Variants in AXDND1 observed in about 807,000 individuals in gnomAD.
AXDND1 encodes the protein axonemal dynein light chain domain-containing protein 1.
Under a neutral mutation model 137.5 loss-of-function variants are expected in AXDND1, and 110 were observed. The observed-to-expected ratio is 0.80, with a 90% CI of 0.69 to 0.94. The LOEUF (loss-of-function observed/expected upper bound fraction) is 0.94. Among genes scored for constraint, AXDND1 ranks in the 40% least tolerant of loss-of-function variants. The pLI is 0.00. For missense variants in AXDND1, 1,191 were observed against 1,169.8 expected (o/e 1.02, Z -0.26); for synonymous variants, 414 against 399.7 (o/e 1.04, Z -0.43).
intron 12 of AXDND1, among the ~76,000 whole-genome samples, chr1:179,413,458 C>T (rs1355144000): frequency 6.6e-6 from 1 of 152,126 alleles, no homozygotes; most frequent in Non-Finnish European, 1.5e-5. Flanking sequence ...TCCATGTATA[C>T]CCATTGTTTA....
At chr1:179,449,254 T>A (rs550855801) in intron 16 of AXDND1, 1 of 389,352 alleles carries the variant, frequency 2.6e-6, no homozygotes, top group East Asian at 8.5e-5. Context: ...GGATGTTCAG[T>A]TGTCCTAGCA....
chr1:179,419,480 G>A (rs1024755536), intron 12 of AXDND1, among the ~76,000 whole-genome samples: 10 of 148,468 alleles, frequency 6.7e-5, no homozygotes, highest in South Asian at 2.2e-4. Flanking sequence ...CAGGCGTGGC[G>A]GCGTGCGCCT....
chr1:179,401,680 T>C (rs2125173338), intron 11 of AXDND1, among the ~76,000 whole-genome samples: 1 of 152,118 alleles, frequency 6.6e-6, no homozygotes, highest in African/African-American at 2.4e-5. Context: ...ATCGTGGGGG[T>C]GGTTTCCCTG....
chr1:179,529,238 T>C (rs1284711095), intron 23 of AXDND1, among the ~76,000 whole-genome samples: 1 of 152,214 alleles, frequency 6.6e-6, no homozygotes, highest in Non-Finnish European at 1.5e-5. Flanking sequence ...GTGGTGGTAA[T>C]ATTTTGTGTG....
intron 16 of AXDND1, chr1:179,453,526 C>G (rs1490424284): frequency 6.6e-6 from 1 of 152,346 alleles, no homozygotes; most frequent in Non-Finnish European, 1.5e-5. Context: ...GCTGTCCAGG[C>G]ACAGTGGCTC....
At chr1:179,465,650 G>A (rs573354673) in intron 16 of AXDND1, among the ~76,000 whole-genome samples, 2 of 152,356 alleles carry the variant, frequency 1.3e-5, no homozygotes, top group East Asian at 3.9e-4. Context: ...CTTCAAAGCT[G>A]TCAGCCAGGG....
At chr1:179,530,645 ATGT>A (rs202232414) in intron 23 of AXDND1, among the ~76,000 whole-genome samples, 48,208 of 152,052 alleles carry the variant, frequency 0.32, 8,267 homozygotes, top group Middle Eastern at 0.43. Context: ...CAGTAAGTCC[ATGT>A]TCAAAAGTCT....
intron 25 of AXDND1, among the ~76,000 whole-genome samples, chr1:179,554,024 TG>T (rs1673708941): frequency 1.3e-5 from 2 of 151,928 alleles, no homozygotes; most frequent in African/African-American, 2.4e-5. Flanking sequence ...GCGATTCTTC[TG>T]CCTCAGCCTC....
intron 25 of AXDND1, chr1:179,552,756 A>G (rs1673503309): frequency 7.0e-6 from 8 of 1,147,288 alleles, no homozygotes; most frequent in Non-Finnish European, 7.8e-6. Context: ...CAGACTTGCA[A>G]GCCTCTCTAC....
intron 16 of AXDND1, among the ~76,000 whole-genome samples, chr1:179,464,901 C>G (rs1402939724): frequency 2.6e-5 from 4 of 152,196 alleles, no homozygotes; most frequent in Admixed American, 1.3e-4. Context: ...TCCACTTGAT[C>G]AAATCAGCTA....
chr1:179,447,236 G>A (rs549345454), intron 16 of AXDND1, among the ~76,000 whole-genome samples: 1 of 152,154 alleles, frequency 6.6e-6, no homozygotes, highest in Non-Finnish European at 1.5e-5. Flanking sequence ...ACCCTTCCCA[G>A]CATCTGCTAT....
chr1:179,405,356 A>G (rs182148955), intron 11 of AXDND1, among the ~76,000 whole-genome samples: 2 of 152,126 alleles, frequency 1.3e-5, no homozygotes, highest in East Asian at 3.9e-4. Context: ...AATCTTTGCT[A>G]TTGTAAATAA....
chr1:179,538,623 A>G (rs1276881279), intron 25 of AXDND1, among the ~76,000 whole-genome samples: 1 of 152,168 alleles, frequency 6.6e-6, no homozygotes, highest in Non-Finnish European at 1.5e-5. Context: ...TATGTGGTCA[A>G]TTTTAGAATA....
chr1:179,424,196 C>A (rs180910308), intron 12 of AXDND1, among the ~76,000 whole-genome samples: 14 of 152,122 alleles, frequency 9.2e-5, no homozygotes, highest in Admixed American at 9.2e-4. Context: ...CTCCTTCCTG[C>A]CCTGTATGGT....
intron 21 of AXDND1, among the ~76,000 whole-genome samples, chr1:179,511,259 T>C (rs892967275): frequency 6.6e-6 from 1 of 151,630 alleles, no homozygotes; most frequent in Non-Finnish European, 1.5e-5. Flanking sequence ...TTCCATCATA[T>C]ATATACATAT....
intron 4 of AXDND1, among the ~76,000 whole-genome samples, chr1:179,370,938 C>T (rs142708249): frequency 6.6e-6 from 1 of 152,288 alleles, no homozygotes; most frequent in East Asian, 1.9e-4. Flanking sequence ...GGTGCTATTA[C>T]TCAGCTATGC....
intron 12 of AXDND1, among the ~76,000 whole-genome samples, chr1:179,425,605 TCAA>T (rs766978407): frequency 2.6e-5 from 4 of 151,946 alleles, no homozygotes; most frequent in Non-Finnish European, 4.4e-5. Context: ...TGCCAAGGAA[TCAA>T]CATGATGAGG....
At chr1:179,382,593 T>C in intron 6 of AXDND1, 107 bp from the exon 7 acceptor site, 1 of 713,064 alleles carries the variant, frequency 1.4e-6, no homozygotes, top group Non-Finnish European at 2.4e-6. Context: ...TTCCTTTTAG[T>C]GGAGAATGGT....
At chr1:179,546,907 C>T (rs1672704278) in intron 25 of AXDND1, among the ~76,000 whole-genome samples, 1 of 152,228 alleles carries the variant, frequency 6.6e-6, no homozygotes, top group South Asian at 2.1e-4. Flanking sequence ...GTCTCACTGA[C>T]TTGACTATGG....
Sources: allele counts gnomAD v4.1 joint callset (sites outside exome capture counted in the v4.1 genomes callset), GRCh38; gene constraint gnomAD v4.1.1; transcripts MANE v1.5; gene names NCBI Gene and HGNC (gene_info 2026-07-23, HGNC 2026-07-21).